EPS15L1: variants seen among roughly 807,000 people sequenced by gnomAD.
EPS15L1 encodes the protein epidermal growth factor receptor substrate 15-like 1.
EPS15L1 carries 43 observed loss-of-function variants against 117.1 expected under a neutral mutation model. That is an observed-to-expected ratio of 0.37 (90% CI 0.29 to 0.47). The LOEUF (loss-of-function observed/expected upper bound fraction) is 0.47. Among genes scored for constraint, EPS15L1 ranks in the 20% least tolerant of loss-of-function variants. The pLI is 0.99. For synonymous variants in EPS15L1, 459 were observed against 470.5 expected (o/e 0.98, Z 0.32); for missense variants, 981 against 1,164.0 (o/e 0.84, Z 2.29).
chr19:16,369,296 G>A (rs1002199671), intron 22 of EPS15L1, among the ~76,000 whole-genome samples: 3 of 152,204 alleles, frequency 2.0e-5, no homozygotes, highest in East Asian at 3.9e-4. Context: ...CGATCGCAGC[G>A]TTGAGATTTT....
At position 16,417,928 on chromosome 19, in the gene EPS15L1, G is replaced by A; in HGVS notation, c.1107+20C>T. 2 of 1,607,580 alleles carry A rather than the reference G, an allele frequency of 1.2e-6. No individual in the cohort carries two copies. The highest frequency in any genetic ancestry group is 1.7e-6 in the Non-Finnish European group (2 of 1,177,030). Reference sequence around the variant, plus strand: ...GGGAAGGGATGTCAATACCCCCAGGGCATGACCAGCACCACTCACCGGGCC... The same window carrying A: ...GGGAAGGGATGTCAATACCCCCAGGACATGACCAGCACCACTCACCGGGCC... On this transcript the variant is annotated intron_variant, in intron 11 of 23. Transcript: ENST00000455140.
At chr19:16,374,088 C>G (rs1568396365) in intron 22 of EPS15L1, among the ~76,000 whole-genome samples, 1 of 152,216 alleles carries the variant, frequency 6.6e-6, no homozygotes, top group Non-Finnish European at 1.5e-5. Flanking sequence ...GCTTGGTTCT[C>G]GTTACTCCTG....
chr19:16,428,950 G>C (rs1160927851), intron 7 of EPS15L1, among the ~76,000 whole-genome samples, 189 bp from the exon 8 acceptor site: 2 of 152,118 alleles, frequency 1.3e-5, no homozygotes, highest in Non-Finnish European at 2.9e-5. Context: ...TCAACTACCA[G>C]ATCTGTGGTC....
intron 4 of EPS15L1, among the ~76,000 whole-genome samples, chr19:16,439,814 A>C (rs544837451): frequency 5.3e-5 from 8 of 152,332 alleles, no homozygotes; most frequent in African/African-American, 1.4e-4. Flanking sequence ...AGCACAAACA[A>C]GGTCCCTTCT....
chr19:16,361,702 T>C (rs1162773876), intron 23 of EPS15L1, 77 bp downstream of exon 23: 16 of 1,506,930 alleles, frequency 1.1e-5, no homozygotes, highest in South Asian at 1.3e-5. Flanking sequence ...GGTTTGCCTT[T>C]AAAAGGAGAC....
At chr19:16,394,417 C>T (rs76935912) in intron 17 of EPS15L1, among the ~76,000 whole-genome samples, 12,388 of 152,198 alleles carry the variant, frequency 0.081, 580 homozygotes, top group Non-Finnish European at 0.11. Flanking sequence ...AATGAGGCGG[C>T]GGCACCCCTG....
At chr19:16,444,570 A>T (rs192185220) in intron 1 of EPS15L1, among the ~76,000 whole-genome samples, 1 of 152,304 alleles carries the variant, frequency 6.6e-6, no homozygotes. Context: ...GCTGTTTGTC[A>T]TCTGTCAGTA....
intron 1 of EPS15L1, among the ~76,000 whole-genome samples, chr19:16,447,739 G>C (rs985391900): frequency 2.0e-5 from 3 of 150,470 alleles, no homozygotes; most frequent in African/African-American, 7.4e-5. Flanking sequence ...CAGCCTGAGC[G>C]ACAGAGCAAG....
At chr19:16,373,342 C>G (rs1031155492) in intron 22 of EPS15L1, among the ~76,000 whole-genome samples, 3 of 152,166 alleles carry the variant, frequency 2.0e-5, no homozygotes, top group Admixed American at 6.5e-5. Context: ...AGGCGGCCGT[C>G]ACTGTGTGCT....
intron 13 of EPS15L1, chr19:16,413,215 T>C (rs1231500347): frequency 3.1e-6 from 2 of 645,768 alleles, no homozygotes; most frequent in East Asian, 5.8e-5. Context: ...GGGAACAAGA[T>C]CAGCAAACCC....
chr19:16,453,660 C>T (rs1013213157), intron 1 of EPS15L1, among the ~76,000 whole-genome samples: 3 of 151,924 alleles, frequency 2.0e-5, no homozygotes, highest in African/African-American at 7.3e-5. Flanking sequence ...TTGCAGTGAG[C>T]CGACATCGAG....
At chr19:16,454,737 A>G (rs1384016489) in intron 1 of EPS15L1, among the ~76,000 whole-genome samples, 1 of 152,190 alleles carries the variant, frequency 6.6e-6, no homozygotes, top group African/African-American at 2.4e-5. Flanking sequence ...GCATTTAGAC[A>G]TGCAGCAAAG....
chr19:16,447,063 C>T (rs370830808), intron 1 of EPS15L1, among the ~76,000 whole-genome samples: 1 of 152,216 alleles, frequency 6.6e-6, no homozygotes, highest in Non-Finnish European at 1.5e-5. Context: ...CCCTTAGAGG[C>T]CCCCACAGGC....
At chr19:16,417,742 C>T in intron 11 of EPS15L1, 105 bp from the exon 12 acceptor site, 1 of 1,186,246 alleles carries the variant, frequency 8.4e-7, no homozygotes, top group Non-Finnish European at 1.2e-6. Context: ...CCCTTTAGTA[C>T]ACAGGGTGAG....
intron 23 of EPS15L1, chr19:16,356,669 G>A (rs1056372575): frequency 6.6e-6 from 1 of 152,178 alleles, no homozygotes; most frequent in Non-Finnish European, 1.5e-5. Context: ...CTGCCATTTA[G>A]TCAAGTTTTT....
intron 1 of EPS15L1, among the ~76,000 whole-genome samples, chr19:16,457,864 T>G (rs1035070290): frequency 6.6e-6 from 1 of 150,482 alleles, no homozygotes; most frequent in African/African-American, 2.5e-5. Context: ...CACCCAAGAC[T>G]GGGGGGGAGG....
intron 1 of EPS15L1, among the ~76,000 whole-genome samples, chr19:16,451,326 G>A (rs900344377): frequency 6.6e-6 from 1 of 152,084 alleles, no homozygotes; most frequent in South Asian, 2.1e-4. Context: ...AAAGACTTAG[G>A]AAACCTAATG....
rs7256705 is a variant in EPS15L1 at position 16,464,268 on chromosome 19, G to A, written c.33+7645C>T. On this transcript the variant is annotated intron_variant, in intron 1 of 23. Coordinates refer to ENST00000455140, the MANE Select transcript of EPS15L1 (RefSeq NM_001258374.3). ...TAGTATCAAGAGCTGGGACTCCTATGAAGGGAAAAGCCCAAAGAAGCTTTA... is the reference window on the plus strand; with the variant it reads ...TAGTATCAAGAGCTGGGACTCCTATAAAGGGAAAAGCCCAAAGAAGCTTTA... 4.8e-3 allele frequency among the ~76,000 whole-genome samples: 738 copies of A among 152,324 alleles called. 5 individuals carry two copies. The highest frequency in any genetic ancestry group is 0.017 in the African/African-American group (686 of 41,566).
chr19:16,424,443 G>A (rs1274373561), intron 9 of EPS15L1, among the ~76,000 whole-genome samples: 2 of 152,024 alleles, frequency 1.3e-5, no homozygotes, highest in East Asian at 1.9e-4. Context: ...GCCTACCAGT[G>A]AGTTTGGCCC....
Sources: allele counts gnomAD v4.1 joint callset (sites outside exome capture counted in the v4.1 genomes callset), GRCh38; gene constraint gnomAD v4.1.1; transcripts MANE v1.5; gene names NCBI Gene and HGNC (gene_info 2026-07-23, HGNC 2026-07-21).